COL24A1: variants seen among roughly 807,000 people sequenced by gnomAD.
The protein encoded by COL24A1 is collagen alpha-1(XXIV) chain.
A neutral mutation model predicts 253.9 loss-of-function variants in COL24A1; 224 were observed. The ratio of observed to expected loss-of-function variants is 0.88; its 90% CI spans 0.79 to 0.99. The LOEUF (loss-of-function observed/expected upper bound fraction) is 0.99. COL24A1 is among the 50% of genes least tolerant of loss of function. The pLI is 0.00. For missense variants in COL24A1, 2,131 were observed against 2,068.5 expected (o/e 1.03, Z -0.59); for synonymous variants, 685 against 673.7 (o/e 1.02, Z -0.26).
chr1:85,833,280 AC>A (rs1417298853), intron 43 of COL24A1, among the ~76,000 whole-genome samples: 1 of 152,220 alleles, frequency 6.6e-6, no homozygotes, highest in African/African-American at 2.4e-5. Context: ...CAAGAAAAAA[AC>A]AACCCCATCA....
At chr1:85,870,929 A>G (rs1411527720) in intron 35 of COL24A1, among the ~76,000 whole-genome samples, 1 of 152,196 alleles carries the variant, frequency 6.6e-6, no homozygotes, top group African/African-American at 2.4e-5. Flanking sequence ...TGAAAAGATC[A>G]ACAAAATTGA....
intron 28 of COL24A1, among the ~76,000 whole-genome samples, chr1:85,903,477 G>T (rs1684518776): frequency 1.3e-5 from 2 of 152,078 alleles, no homozygotes; most frequent in South Asian, 4.1e-4. Flanking sequence ...AAGTCAAATA[G>T]CATTATAATA....
intron 24 of COL24A1, among the ~76,000 whole-genome samples, chr1:85,957,160 G>T (rs752437527): frequency 4.6e-5 from 7 of 152,076 alleles, no homozygotes; most frequent in Non-Finnish European, 8.8e-5. Flanking sequence ...TGGACACCAC[G>T]AGGGGAACAT....
intron 21 of COL24A1, among the ~76,000 whole-genome samples, chr1:85,970,509 T>C (rs1692053116): frequency 7.0e-6 from 1 of 143,756 alleles, no homozygotes; most frequent in Admixed American, 6.8e-5. Context: ...AGACTGAAGA[T>C]GAACATAGAA....
In COL24A1 at chr1:86,125,595, T is replaced by C; in HGVS notation, c.741A>G (p.Lys247=). The stretch of plus-strand genomic sequence containing the variant: ...AAGGAATGCTTGTTTCAGGTTGGTA[T>C]TTGTCTGCTTGGCGACACTGCTGTT... ...YVKQQCRQAD[K]YQPETSIPCT... Residue 247 remains lysine (K), a synonymous_variant, in exon 3 of 60, where the codon AAA becomes AAG. Coordinates refer to ENST00000370571, the MANE Select transcript of COL24A1 (RefSeq NM_152890.7). The C allele has an allele frequency of 1.2e-6, 2 of 1,613,488 alleles. No individual in the cohort carries two copies. Among genetic ancestry groups the C allele is most frequent in the South Asian group, 2.2e-5 (2 of 91,058 alleles).
intron 24 of COL24A1, among the ~76,000 whole-genome samples, chr1:85,948,274 C>CAG (rs1689522425): frequency 6.6e-6 from 1 of 151,972 alleles, no homozygotes; most frequent in East Asian, 1.9e-4. Context: ...CCTGTAATCC[C>CAG]AGCACTTTGG....
Position 86,010,809 on chromosome 1 carries a change from A to G in COL24A1, c.2310+6342T>C, listed in dbSNP as rs149990256. Among the ~76,000 whole-genome samples the G allele has an allele frequency of 1.2e-4, 19 of 152,324 alleles. No homozygotes were observed. The East Asian group carries it at 3.5e-3, about 28-fold the overall frequency. ...TGAATTGATATGATTTCCAGGATAT[A>G]TTTTTAAATAAAAAAAGCAGAGTGT... is the stretch of plus-strand genomic sequence containing the variant. On this transcript the variant is annotated intron_variant, in intron 19 of 59. Coordinates refer to ENST00000370571, the MANE Select transcript of COL24A1 (RefSeq NM_152890.7).
At chr1:85,764,455 TACACAC>T (rs71075861) in intron 53 of COL24A1, among the ~76,000 whole-genome samples, 28,934 of 136,942 alleles carry the variant, frequency 0.21, 3,334 homozygotes, top group Middle Eastern at 0.31. Context: ...AGGTGGAGGA[TACACAC>T]ACACACACAC....
At chr1:85,822,359 AATTT>A (rs752472275) in intron 45 of COL24A1, among the ~76,000 whole-genome samples, 7 of 152,160 alleles carry the variant, frequency 4.6e-5, no homozygotes, top group Non-Finnish European at 7.3e-5. Context: ...ATTCTCATCT[AATTT>A]ATTATTAACA....
intron 30 of COL24A1, 22 bp downstream of exon 30, chr1:85,895,999 T>G: frequency 6.2e-7 from 1 of 1,605,192 alleles, no homozygotes; most frequent in Non-Finnish European, 8.5e-7. Context: ...TCATCTTTAA[T>G]GTGAAATGTT....
At chr1:85,983,719 AAC>A (rs1047577673) in intron 20 of COL24A1, among the ~76,000 whole-genome samples, 2 of 151,846 alleles carry the variant, frequency 1.3e-5, no homozygotes, top group African/African-American at 4.8e-5. Flanking sequence ...CAGCTAAAGA[AAC>A]ACATCATGTT....
chr1:86,020,355 C>T (rs1255118688), intron 18 of COL24A1, among the ~76,000 whole-genome samples: 2 of 151,988 alleles, frequency 1.3e-5, no homozygotes, highest in African/African-American at 2.4e-5. Flanking sequence ...CGTGAGCCAC[C>T]GCACGTGGCC....
chr1:85,789,702 C>T (rs916977629), intron 47 of COL24A1, among the ~76,000 whole-genome samples: 1 of 151,944 alleles, frequency 6.6e-6, no homozygotes, highest in Admixed American at 6.6e-5. Context: ...ATAAAAGGCT[C>T]TTATTATTTT....
Position 85,997,055 on chromosome 1 carries a change from G to GTATATATATA in COL24A1, c.2311-9411_2311-9402dup, listed in dbSNP as rs59071699. On this transcript the variant is annotated intron_variant, in intron 19 of 59. Transcript: ENST00000370571. The stretch of plus-strand genomic sequence containing the variant: ...TATATATATATATGTGTGTGTGTGT[G>GTATATATATA]TATATATATATATATATATATATAT... Among the ~76,000 whole-genome samples the GTATATATATA allele has an allele frequency of 7.0e-4, 67 of 95,116 alleles. 1 individual carries two copies. The highest frequency in any genetic ancestry group is 1.7e-3 in the African/African-American group (53 of 30,952). 62.4% of individuals were successfully genotyped at this position (95,116 alleles called of 152,430 possible).
chr1:86,137,461 C>T (rs1650427739), intron 2 of COL24A1, among the ~76,000 whole-genome samples: 1 of 152,072 alleles, frequency 6.6e-6, no homozygotes, highest in Non-Finnish European at 1.5e-5. Context: ...AATTATTTGC[C>T]CAAGCTTACC....
chr1:85,782,233 T>C (rs551646841), intron 51 of COL24A1, among the ~76,000 whole-genome samples: 3 of 152,294 alleles, frequency 2.0e-5, no homozygotes, highest in African/African-American at 2.4e-5. Context: ...ATTACAGGCA[T>C]GTGCCACCAT....
chr1:85,755,116 C>G (rs1034304408), intron 55 of COL24A1, among the ~76,000 whole-genome samples: 1 of 152,104 alleles, frequency 6.6e-6, no homozygotes, highest in Non-Finnish European at 1.5e-5. Context: ...CCATAAAAAA[C>G]CATAAAGGTG....
rs772037834 is a variant in COL24A1 at position 86,124,910 on chromosome 1, C to CATA, written c.1423_1425dup (p.Tyr475dup). On this transcript the variant is annotated inframe_insertion, in exon 3 of 60. Transcript: ENST00000370571. ...ATTTCAAGCATTGTATTTAGATCCT[C>CATA]ATAATAATAATAATCATAAAGCTCA... is the stretch of plus-strand genomic sequence containing the variant. 2.5e-6 allele frequency: 4 copies of CATA among 1,609,812 alleles called. No homozygotes were observed. Among genetic ancestry groups the CATA allele is most frequent in the African/African-American group, 1.3e-5 (1 of 74,590 alleles).
At chr1:86,069,545 G>GTTAA (rs1199320586) in intron 7 of COL24A1, among the ~76,000 whole-genome samples, 2 of 152,172 alleles carry the variant, frequency 1.3e-5, no homozygotes, top group African/African-American at 4.8e-5. Flanking sequence ...TCACTATGAA[G>GTTAA]GGAAGGGCTT....
Sources: allele counts gnomAD v4.1 joint callset (sites outside exome capture counted in the v4.1 genomes callset), GRCh38; gene constraint gnomAD v4.1.1; transcripts MANE v1.5; gene names NCBI Gene and HGNC (gene_info 2026-07-23, HGNC 2026-07-21).